The following WASL variants were observed in gnomAD, a reference collection of about 807,000 sequenced individuals.
The protein encoded by WASL is WASP like actin nucleation promoting factor, also known as actin nucleation-promoting factor WASL.
WASL carries 20 observed loss-of-function variants against 55.5 expected under a neutral mutation model. The observed-to-expected ratio is 0.36, with a 90% confidence interval of 0.25 to 0.52. The LOEUF (loss-of-function observed/expected upper bound fraction) is 0.52, where lower values mean the gene tolerates loss of function less well. WASL is among the 20% of genes least tolerant of loss of function. The pLI is 0.92. For missense variants in WASL, 504 were observed against 622.5 expected, an observed-to-expected ratio of 0.81 and a Z score of 2.03; for synonymous variants, 249 against 217.6, an observed-to-expected ratio of 1.14 and a Z score of -1.27.
Position 123,683,687 on chromosome 7 carries a change from A to G in WASL, c.*832T>C, listed in dbSNP as rs532532666. 2 of 152,186 alleles carry G rather than the reference A, an allele frequency of 1.3e-5. No individual in the cohort carries two copies. Among genetic ancestry groups the G allele is most frequent in the Admixed American group, 1.3e-4 (2 of 15,270 alleles). 9.4% of individuals were successfully genotyped at this position (152,186 alleles called of 1,614,324 possible). ...CAAATATTGGAGTTACCATAATATT[A>G]CCTCAGTTCATGTAGAATGAAAACT... On this transcript the variant is annotated 3_prime_UTR_variant, in exon 11 of 11. Transcript: ENST00000223023.
At chr7:123,693,690 G>C (rs910560642) in intron 8 of WASL, among the ~76,000 whole-genome samples, 2 of 152,338 alleles carry the variant, frequency 1.3e-5, no homozygotes, top group Non-Finnish European at 2.9e-5. Context: ...ACTTGGCTGA[G>C]CATGGTGGCT....
intron 1 of WASL, among the ~76,000 whole-genome samples, chr7:123,713,267 C>T (rs747132180): frequency 5.0e-4 from 76 of 152,112 alleles, no homozygotes; most frequent in Admixed American, 2.7e-3. Flanking sequence ...TCCTACCTCA[C>T]TCAGCCTTCT....
chr7:123,719,348 C>T (rs1003561622), intron 1 of WASL, among the ~76,000 whole-genome samples: 1 of 152,188 alleles, frequency 6.6e-6, no homozygotes, highest in African/African-American at 2.4e-5. Flanking sequence ...GAAATCCATG[C>T]TCCCAAAAGT....
At chr7:123,712,927 G>C (rs1187265843) in intron 1 of WASL, among the ~76,000 whole-genome samples, 1 of 152,080 alleles carries the variant, frequency 6.6e-6, no homozygotes, top group African/African-American at 2.4e-5. Flanking sequence ...GTCAGAATAA[G>C]AATTTTAGAT....
chr7:123,712,358 T>C (rs1208426348), intron 1 of WASL, among the ~76,000 whole-genome samples: 1 of 152,212 alleles, frequency 6.6e-6, no homozygotes, highest in East Asian at 1.9e-4. Context: ...AGTGAACAAG[T>C]ATTTGTTAAA....
chr7:123,701,166 A>C (rs1305222076), intron 5 of WASL, among the ~76,000 whole-genome samples: 1 of 152,212 alleles, frequency 6.6e-6, no homozygotes, highest in Non-Finnish European at 1.5e-5. Context: ...TTTCTAGTAA[A>C]GTTTAATTAT....
rs376887695 is a variant in WASL at position 123,692,848 on chromosome 7, T to C, written c.846A>G (p.Pro282=). The change falls in exon 9 of 11, where the codon CCA becomes CCG. Residue 282 remains proline (P), a synonymous_variant. Transcript: ENST00000223023. The stretch of plus-strand genomic sequence containing the variant: ...GAGGAGGAGGTGGCCCTCCCCTTGA[T>C]GGTGGTGGAGGTGGTGGTGCTGAAA... ...LRRQAPPPPP[P]SRGGPPPPPP... 33 of 1,384,234 alleles carry C rather than the reference T, an allele frequency of 2.4e-5. No individual in the cohort carries two copies. The African/African-American group carries it at 4.4e-4, about 18-fold the overall frequency. 85.7% of individuals were successfully genotyped at this position (1,384,234 alleles called of 1,614,324 possible).
At chr7:123,717,763 T>G (rs1803870186) in intron 1 of WASL, among the ~76,000 whole-genome samples, 1 of 152,242 alleles carries the variant, frequency 6.6e-6, no homozygotes, top group South Asian at 2.1e-4. Context: ...AAATAAATTT[T>G]GAGCAAATAT....
intron 1 of WASL, among the ~76,000 whole-genome samples, chr7:123,741,183 T>C (rs1208005878): frequency 6.6e-6 from 1 of 152,240 alleles, no homozygotes. Flanking sequence ...CACCTGAGAC[T>C]GAAGTGAAGT....
intron 5 of WASL, among the ~76,000 whole-genome samples, chr7:123,700,197 A>C (rs1169057167): frequency 2.0e-5 from 3 of 147,044 alleles, no homozygotes; most frequent in South Asian, 2.2e-4. Flanking sequence ...AAAAAAAAAA[A>C]AAAAAAAAAA....
intron 1 of WASL, among the ~76,000 whole-genome samples, chr7:123,733,615 CAA>C (rs1804175599): frequency 6.6e-6 from 1 of 151,852 alleles, no homozygotes; most frequent in African/African-American, 2.4e-5. Context: ...TTGTGGATAT[CAA>C]AAAACGGAAA....
At chr7:123,709,026 A>G (rs1367231764) in intron 2 of WASL, 63 bp downstream of exon 2, 1 of 1,441,116 alleles carries the variant, frequency 6.9e-7, no homozygotes, top group African/African-American at 1.4e-5. Flanking sequence ...AATCTAAACT[A>G]AATTATAATT....
At chr7:123,740,930 G>T (rs1374335458) in intron 1 of WASL, among the ~76,000 whole-genome samples, 1 of 152,170 alleles carries the variant, frequency 6.6e-6, no homozygotes, top group Non-Finnish European at 1.5e-5. Context: ...TCAAGCTGGG[G>T]TCACTGTCTG....
At chr7:123,744,917 A>G (rs371842202) in intron 1 of WASL, among the ~76,000 whole-genome samples, 65 of 152,314 alleles carry the variant, frequency 4.3e-4, no homozygotes, top group African/African-American at 1.4e-3. Flanking sequence ...GTAAAAGTAC[A>G]TATCATGTAT....
At chr7:123,742,960 A>C (rs1804369250) in intron 1 of WASL, among the ~76,000 whole-genome samples, 1 of 152,166 alleles carries the variant, frequency 6.6e-6, no homozygotes, top group South Asian at 2.1e-4. Context: ...AGAATAGTTA[A>C]ACTGATTAAG....
rs114608597 is a variant in WASL at position 123,734,666 on chromosome 7, G to T, written c.117+13952C>A. ...GAGGGGCGGGAGGAATAACTGCAGT[G>T]CAGGGTATCTGTAGGGCAGTTAAAC... On this transcript the variant is annotated intron_variant, in intron 1 of 10. Transcript: ENST00000223023. Among the ~76,000 whole-genome samples the T allele has an allele frequency of 3.9e-3, 587 of 151,482 alleles. 3 individuals are homozygous for T. Among genetic ancestry groups the T allele is most frequent in the African/African-American group, 0.014 (567 of 41,256 alleles).
At chr7:123,724,051 G>C (rs747040240) in intron 1 of WASL, among the ~76,000 whole-genome samples, 1 of 152,098 alleles carries the variant, frequency 6.6e-6, no homozygotes, top group African/African-American at 2.4e-5. Context: ...GCTTTGGCCT[G>C]AAGTATTGTA....
intron 1 of WASL, 47 bp from the exon 2 acceptor site, chr7:123,709,270 G>A: frequency 6.4e-7 from 1 of 1,553,094 alleles, no homozygotes; most frequent in East Asian, 2.3e-5. Flanking sequence ...ATAATATGTA[G>A]ATGATCATAG....
chr7:123,725,019 A>C (rs1804017731), intron 1 of WASL, among the ~76,000 whole-genome samples: 1 of 152,202 alleles, frequency 6.6e-6, no homozygotes, highest in African/African-American at 2.4e-5. Context: ...TCCCCAATAG[A>C]AGGAAGTAGT....
Sources: allele counts gnomAD v4.1 joint callset (sites outside exome capture counted in the v4.1 genomes callset), GRCh38; gene constraint gnomAD v4.1.1; transcripts MANE v1.5; gene names NCBI Gene and HGNC (gene_info 2026-07-23, HGNC 2026-07-21).